Variants in NUDT19 observed in about 807,000 individuals in gnomAD.
NUDT19 encodes nudix hydrolase 19.
NUDT19 carries 31 observed loss-of-function variants against 22.2 expected under a neutral mutation model. The observed-to-expected ratio is 1.40, with a 90% CI of 1.05 to 1.89. The LOEUF is 1.89. Ranked by LOEUF, NUDT19 falls within the 40% of genes most tolerant of loss-of-function variation. The pLI is 0.00. For missense variants in NUDT19, 752 were observed against 514.2 expected (o/e 1.46, Z -4.47); for synonymous variants, 325 against 230.8 (o/e 1.41, Z -3.70).
chr19:32,710,299 C>T (rs1323116493), intron 2 of NUDT19, among the ~76,000 whole-genome samples: 2 of 151,660 alleles, frequency 1.3e-5, no homozygotes, highest in Non-Finnish European at 2.9e-5. Flanking sequence ...TAGGCATGAG[C>T]CACTGTGCCC....
In NUDT19 at chr19:32,693,686, G is replaced by A. The variant is rs550232661; in HGVS notation, c.714+1012G>A. ...AGCTAGACAGAGCACTGATTGGTGC[G>A]TTTTTACATAGTACTGATTGGTGCA... On this transcript the variant is annotated intron_variant, in intron 1 of 2. Coordinates refer to ENST00000397061, the MANE Select transcript of NUDT19 (RefSeq NM_001105570.2). Among the ~76,000 whole-genome samples the A allele has an allele frequency of 6.6e-4, 100 of 152,186 alleles. 1 individual carries two copies. Among genetic ancestry groups the A allele is most frequent in the Admixed American group, 5.4e-3 (83 of 15,282 alleles).
Position 32,692,340 on chromosome 19 carries a change from G to C in NUDT19, c.380G>C (p.Cys127Ser). Reference sequence around the variant, plus strand: ...CCTGAGGACGTAGCCTTCCGCATCTGCGCCGTGCGGGAGGCCTTTGAGGAG... The same window carrying C: ...CCTGAGGACGTAGCCTTCCGCATCTCCGCCGTGCGGGAGGCCTTTGAGGAG... ...TLPEDVAFRI[C>S]AVREAFEEAG... Residue 127 changes from cysteine to serine, a missense_variant, in exon 1 of 3, where the codon TGC becomes TCC. Coordinates refer to ENST00000397061, the MANE Select transcript of NUDT19 (RefSeq NM_001105570.2). 1 of 1,591,152 alleles carries C rather than the reference G, an allele frequency of 6.3e-7. No individual in the cohort carries two copies. Among genetic ancestry groups the C allele is most frequent in the Non-Finnish European group, 8.5e-7 (1 of 1,176,758 alleles).
At chr19:32,693,846 C>T (rs1181786629) in intron 1 of NUDT19, among the ~76,000 whole-genome samples, 1 of 152,204 alleles carries the variant, frequency 6.6e-6, no homozygotes, top group African/African-American at 2.4e-5. Flanking sequence ...CCAGGGGCTT[C>T]ACCTCTCAAT....
intron 1 of NUDT19, among the ~76,000 whole-genome samples, chr19:32,702,048 T>C (rs149677570): frequency 1.3e-5 from 2 of 152,264 alleles, no homozygotes; most frequent in African/African-American, 4.8e-5. Context: ...GACCCAATGA[T>C]GGATGAATAA....
chr19:32,693,779 T>G (rs1436889916), intron 1 of NUDT19, among the ~76,000 whole-genome samples: 1 of 152,190 alleles, frequency 6.6e-6, no homozygotes, highest in African/African-American at 2.4e-5. Flanking sequence ...ATTGGTGCAT[T>G]TACAAATCTT....
intron 1 of NUDT19, among the ~76,000 whole-genome samples, chr19:32,700,022 C>G (rs1968316498): frequency 6.6e-6 from 1 of 152,182 alleles, no homozygotes; most frequent in South Asian, 2.1e-4. Context: ...AGCTGCAGAC[C>G]TTCGCGGTGA....
intron 1 of NUDT19, among the ~76,000 whole-genome samples, chr19:32,703,648 C>CTTTTTTTTTTTTTTT (rs60766132): frequency 1.5e-5 from 1 of 68,344 alleles, no homozygotes; most frequent in African/African-American, 5.5e-5. Context: ...TGTGCCCAGC[C>CTTTTTTTTTTTTTTT]TTTTTTTTTT....
At chr19:32,696,825 A>G (rs1207861294) in intron 1 of NUDT19, among the ~76,000 whole-genome samples, 1 of 152,214 alleles carries the variant, frequency 6.6e-6, no homozygotes, top group Admixed American at 6.5e-5. Flanking sequence ...AAGCCACGCC[A>G]GTGTCCAGGA....
At chr19:32,701,134 C>A (rs1190933268) in intron 1 of NUDT19, among the ~76,000 whole-genome samples, 1 of 144,456 alleles carries the variant, frequency 6.9e-6, no homozygotes, top group Non-Finnish European at 1.5e-5. Flanking sequence ...AATATGTATT[C>A]TGCTATTTGT....
chr19:32,712,008 T>A lies in NUDT19; in HGVS notation c.*51T>A. ...GCCTACTTGAAGTCCTCATGAATAA[T>A]GAGGGTTGACTTTCATTTGCTTGAA... On this transcript the variant is annotated 3_prime_UTR_variant, in exon 3 of 3. Transcript: ENST00000397061. 8.5e-7 allele frequency: 1 copy of A among 1,172,056 alleles called. No individual in the cohort carries two copies. Among genetic ancestry groups the A allele is most frequent in the Non-Finnish European group, 1.3e-6 (1 of 781,752 alleles). 72.6% of individuals were successfully genotyped at this position (1,172,056 alleles called of 1,614,324 possible). A position where few individuals can be genotyped will look rare whatever the true frequency, so the allele number is the denominator to read the frequency against.
At chr19:32,697,724 T>C (rs891961627) in intron 1 of NUDT19, among the ~76,000 whole-genome samples, 2 of 152,194 alleles carry the variant, frequency 1.3e-5, no homozygotes, top group Non-Finnish European at 2.9e-5. Flanking sequence ...AGCCACATTC[T>C]TTTCATTAAA....
At chr19:32,703,648 CTTTTTTTTTTTT>C (rs60766132) in intron 1 of NUDT19, among the ~76,000 whole-genome samples, 35 of 68,396 alleles carry the variant, frequency 5.1e-4, no homozygotes, top group African/African-American at 1.4e-3. Context: ...TGTGCCCAGC[CTTTTTTTTTTTT>C]TTTTTTTTTT....
chr19:32,698,402 A>G (rs958027875), intron 1 of NUDT19, among the ~76,000 whole-genome samples: 2 of 152,130 alleles, frequency 1.3e-5, no homozygotes, highest in African/African-American at 4.8e-5. Context: ...TTCCCATCTG[A>G]AAGACAAAAC....
In NUDT19 at chr19:32,692,462, C is replaced by T. The variant is rs775112575; in HGVS notation, c.502C>T (p.Arg168Cys). 28 of 1,546,278 alleles carry T rather than the reference C, an allele frequency of 1.8e-5. No homozygotes were observed. The Admixed American group carries it at 3.9e-4, about 22-fold the overall frequency. The change falls in exon 1 of 3, where the codon CGC becomes TGC. Residue 168 changes from arginine to cysteine, a missense_variant. Transcript: ENST00000397061. The stretch of plus-strand genomic sequence containing the variant: ...GCCACCGCCGGGCCTGGCCTCCTGG[C>T]GCGACCGCGTGCGCCAGGACCCGCG... ...LEPPPGLASW[R>C]DRVRQDPRHF... is the part of the protein sequence containing the mutation.
In NUDT19 at chr19:32,712,004, A is replaced by T; in HGVS notation, c.*47A>T. 1.0e-5 allele frequency: 12 copies of T among 1,177,456 alleles called. No individual in the cohort carries two copies. The highest frequency in any genetic ancestry group is 1.4e-5 in the Non-Finnish European group (11 of 785,910). The allele number at this position is 1,177,456 out of a possible 1,614,324, so 72.9% of individuals were successfully genotyped here. A position where few individuals can be genotyped will look rare whatever the true frequency, so the allele number is the denominator to read the frequency against. On this transcript the variant is annotated 3_prime_UTR_variant, in exon 3 of 3. Coordinates refer to ENST00000397061, the MANE Select transcript of NUDT19 (RefSeq NM_001105570.2). ...AATGGCCTACTTGAAGTCCTCATGA[A>T]TAATGAGGGTTGACTTTCATTTGCT...
At chr19:32,705,696 T>C (rs1397344130) in intron 1 of NUDT19, among the ~76,000 whole-genome samples, 5 of 151,826 alleles carry the variant, frequency 3.3e-5, no homozygotes, top group Admixed American at 2.6e-4. Context: ...GTGATTCTCA[T>C]GCCTTAGCCT....
intron 1 of NUDT19, among the ~76,000 whole-genome samples, chr19:32,693,269 G>A (rs1008194796): frequency 1.3e-5 from 2 of 152,054 alleles, no homozygotes; most frequent in African/African-American, 2.4e-5. Flanking sequence ...TGGTAGGTTC[G>A]TGGTCTCGCT....
At chr19:32,692,763 C>T (rs6510277) in intron 1 of NUDT19, 89 bp downstream of exon 1, 66 of 988,094 alleles carry the variant, frequency 6.7e-5, no homozygotes, top group Non-Finnish European at 8.1e-5. Context: ...GGGACCCCCG[C>T]ATAGGCCAAG....
chr19:32,696,969 CCTTTGTCCT>C (rs1358621744), intron 1 of NUDT19, among the ~76,000 whole-genome samples: 5 of 152,136 alleles, frequency 3.3e-5, no homozygotes, highest in Non-Finnish European at 7.3e-5. Context: ...TCCCAGAGAA[CCTTTGTCCT>C]CTGGGGCAGT....
Sources: allele counts gnomAD v4.1 joint callset (sites outside exome capture counted in the v4.1 genomes callset), GRCh38; gene constraint gnomAD v4.1.1; transcripts MANE v1.5; gene names NCBI Gene and HGNC (gene_info 2026-07-23, HGNC 2026-07-21).